The following DLC1 variants were observed in gnomAD, a reference collection of about 807,000 sequenced individuals.
DLC1 encodes DLC1 Rho GTPase activating protein, also known as rho GTPase-activating protein 7.
In DLC1, 54 loss-of-function variants were observed where a neutral mutation model predicts 140.3. That is an observed-to-expected ratio of 0.38 (90% CI 0.31 to 0.48). DLC1 has a LOEUF of 0.48. Among genes scored for constraint, DLC1 ranks in the 20% least tolerant of loss-of-function variants. The probability of loss-of-function intolerance (pLI) is 0.96; values close to 1 mark genes in which losing one functional copy is unlikely to be tolerated. For missense variants in DLC1, 2,536 were observed against 1,907.0 expected, an observed-to-expected ratio of 1.33 and a Z score of -6.14; for synonymous variants, 986 against 728.1, an observed-to-expected ratio of 1.35 and a Z score of -5.70.
At chr8:13,406,181 G>GTTTTTTTTTTTGTTTTTTTTTTTTTTTTT (rs1554514491) in intron 2 of DLC1, among the ~76,000 whole-genome samples, 7 of 84,956 alleles carry the variant, frequency 8.2e-5, no homozygotes, top group African/African-American at 3.3e-4. Flanking sequence ...TAATTTTTGT[G>GTTTTTTTTTTTGTTTTTTTTTTTTTTTTT]TTTTTTTTTT....
rs184902127 is a variant in DLC1 at position 13,230,588 on chromosome 8, T to G, written c.1348+74681A>C. Among the ~76,000 whole-genome samples the G allele has an allele frequency of 2.8e-3, 418 of 150,830 alleles. 1 individual carries two copies. Among genetic ancestry groups the G allele is most frequent in the African/African-American group, 1.0e-2 (406 of 40,740 alleles). On this transcript the variant is annotated intron_variant, in intron 5 of 17. Coordinates refer to ENST00000276297, the MANE Select transcript of DLC1 (RefSeq NM_182643.3). Reference sequence around the variant, plus strand: ...CAGATAGATATAGATTTTTTCTTTTTTCTTTTTTCTTTTTTTTTTTTTTTT... The same window carrying G: ...CAGATAGATATAGATTTTTTCTTTTGTCTTTTTTCTTTTTTTTTTTTTTTT...
intron 1 of DLC1, among the ~76,000 whole-genome samples, chr8:13,587,593 T>C (rs1805371717): frequency 1.0e-5 from 1 of 100,474 alleles, no homozygotes; most frequent in South Asian, 4.1e-4. Context: ...TATATATATA[T>C]ATACATTGCA....
intron 5 of DLC1, among the ~76,000 whole-genome samples, chr8:13,117,494 G>C (rs1457670127): frequency 6.6e-6 from 1 of 152,014 alleles, no homozygotes; most frequent in Non-Finnish European, 1.5e-5. Flanking sequence ...AAAAAAAAGA[G>C]GAACTTACTT....
chr8:13,359,026 C>T (rs112091182), intron 4 of DLC1, among the ~76,000 whole-genome samples: 19,321 of 152,212 alleles, frequency 0.13, 1,379 homozygotes, highest in South Asian at 0.17. Flanking sequence ...GCAAGCTCCG[C>T]GTCCCGGGTT....
chr8:13,585,713 G>A lies in DLC1; in HGVS notation c.-126+18824C>T, dbSNP rs534405627. On this transcript the variant is annotated intron_variant, in intron 1 of 1. Coordinates refer to the DLC1 transcript ENST00000631382. ...TGGTGGTTTGCTGAAAATTTTTGGT[G>A]TTCCTTGGCTTGTAGGAACATCACC... 2.0e-5 allele frequency among the ~76,000 whole-genome samples: 3 copies of A among 152,204 alleles called. No homozygotes were observed. In the East Asian group the frequency reaches 5.8e-4, roughly 29 times the overall value.
chr8:13,413,617 G>A (rs1837909425), intron 2 of DLC1, among the ~76,000 whole-genome samples: 1 of 151,872 alleles, frequency 6.6e-6, no homozygotes, highest in Admixed American at 6.6e-5. Context: ...GGACCTGTTG[G>A]GAGGTAATTG....
chr8:13,244,101 C>T (rs1378277382), intron 5 of DLC1, among the ~76,000 whole-genome samples: 1 of 152,118 alleles, frequency 6.6e-6, no homozygotes, highest in African/African-American at 2.4e-5. Flanking sequence ...TGAGTAATCC[C>T]CAGGCACTAA....
chr8:13,543,783 C>T (rs899056565), intron 1 of DLC1, among the ~76,000 whole-genome samples: 1 of 151,960 alleles, frequency 6.6e-6, no homozygotes, highest in East Asian at 1.9e-4. Context: ...TAATTGGGAG[C>T]TAAGCTATAG....
chr8:13,388,530 A>G (rs1375549144), intron 4 of DLC1, among the ~76,000 whole-genome samples: 1 of 152,074 alleles, frequency 6.6e-6, no homozygotes, highest in Admixed American at 6.6e-5. Flanking sequence ...GTATGACTAC[A>G]TAAGAACTTA....
intron 5 of DLC1, among the ~76,000 whole-genome samples, chr8:13,237,258 T>C (rs1829327600): frequency 6.8e-6 from 1 of 146,618 alleles, no homozygotes; most frequent in Admixed American, 6.8e-5. Flanking sequence ...CACACACATA[T>C]ATGTGAGTAT....
chr8:13,380,283 T>A (rs933527164), intron 4 of DLC1, among the ~76,000 whole-genome samples: 4 of 152,268 alleles, frequency 2.6e-5, no homozygotes, highest in African/African-American at 9.6e-5. Context: ...GGACCCATTT[T>A]AAAGCAGAGT....
intron 2 of DLC1, among the ~76,000 whole-genome samples, chr8:13,430,099 G>T (rs1838792838): frequency 6.6e-6 from 1 of 152,138 alleles, no homozygotes; most frequent in Non-Finnish European, 1.5e-5. Flanking sequence ...TGGTATATAG[G>T]CATCAGTATT....
chr8:13,492,101 C>T (rs1254908901), intron 2 of DLC1, among the ~76,000 whole-genome samples: 1 of 152,056 alleles, frequency 6.6e-6, no homozygotes, highest in African/African-American at 2.4e-5. Context: ...GAGAACTGAG[C>T]AACTAACTTG....
chr8:13,352,933 G>C (rs189180103), intron 4 of DLC1, among the ~76,000 whole-genome samples: 38 of 152,144 alleles, frequency 2.5e-4, no homozygotes, highest in Admixed American at 2.1e-3. Flanking sequence ...AAATTACAAT[G>C]TGGAAATACA....
At chr8:13,203,418 C>G (rs1228501744) in intron 5 of DLC1, among the ~76,000 whole-genome samples, 2 of 152,174 alleles carry the variant, frequency 1.3e-5, no homozygotes, top group African/African-American at 4.8e-5. Flanking sequence ...GTCTAGATTT[C>G]TTCTATGGGT....
At chr8:13,156,134 T>C (rs1485814018) in intron 5 of DLC1, among the ~76,000 whole-genome samples, 1 of 152,222 alleles carries the variant, frequency 6.6e-6, no homozygotes, top group Non-Finnish European at 1.5e-5. Context: ...TCAAGATTAA[T>C]AATCTTTAAA....
intron 2 of DLC1, among the ~76,000 whole-genome samples, chr8:13,456,760 C>G (rs289545): frequency 0.52 from 78,683 of 152,036 alleles, 20,963 homozygotes; most frequent in African/African-American, 0.64. Context: ...TGCCCCCCTC[C>G]ATAATATACT....
At chr8:13,093,427 T>C (rs1205635094) in intron 12 of DLC1, among the ~76,000 whole-genome samples, 2 of 152,154 alleles carry the variant, frequency 1.3e-5, no homozygotes, top group Non-Finnish European at 2.9e-5. Context: ...ACACACTGAA[T>C]TAGTAATTTC....
chr8:13,254,172 C>A (rs1243912835), intron 5 of DLC1, among the ~76,000 whole-genome samples: 1 of 148,906 alleles, frequency 6.7e-6, no homozygotes, highest in Non-Finnish European at 1.5e-5. Context: ...ACCCGACCCC[C>A]TAAATAAAAT....
Sources: gnomAD v4.1 joint callset for allele counts (sites outside exome capture counted in the v4.1 genomes callset) on GRCh38, gnomAD v4.1.1 for gene constraint, MANE v1.5 for transcripts, NCBI Gene and HGNC (gene_info 2026-07-23, HGNC 2026-07-21) for gene names.